The following BRAF variants were observed in gnomAD, a reference collection of about 807,000 sequenced individuals.
The protein encoded by BRAF is serine/threonine-protein kinase B-raf.
Under a neutral mutation model 104.6 loss-of-function variants are expected in BRAF, and 16 were observed. The ratio of observed to expected loss-of-function variants is 0.15; its 90% CI spans 0.10 to 0.23. The LOEUF (loss-of-function observed/expected upper bound fraction) is 0.23. Among genes scored for constraint, BRAF ranks in the 10% least tolerant of loss-of-function variants. The pLI is 1.00. For missense variants in BRAF, 541 were observed against 937.3 expected (o/e 0.58, Z 5.52); for synonymous variants, 310 against 341.6 (o/e 0.91, Z 1.02).
intron 19 of BRAF, among the ~76,000 whole-genome samples, chr7:140,729,678 T>C (rs1276352026): frequency 6.6e-6 from 1 of 152,050 alleles, no homozygotes; most frequent in East Asian, 1.9e-4. Context: ...CTCAGGAGGC[T>C]GAGGCAGGAG....
chr7:140,721,582 T>C lies in BRAF; in HGVS notation c.*4912A>G. ...GCAACATGGACCACAGATATACTGG[T>C]GACTCCGCTCTCCTCTGGCCAAGCT... On this transcript the variant is annotated 3_prime_UTR_variant, in exon 20 of 20. Coordinates refer to ENST00000644969, the MANE Select transcript of BRAF (RefSeq NM_001374258.1). 3.3e-6 allele frequency: 5 copies of C among 1,527,726 alleles called. No individual in the cohort carries two copies. Among genetic ancestry groups the C allele is most frequent in the Non-Finnish European group, 4.4e-6 (5 of 1,143,424 alleles). The allele number at this position is 1,527,726 out of a possible 1,614,324, so 94.6% of individuals were successfully genotyped here.
chr7:140,825,803 A>G (rs1232476817), intron 3 of BRAF, among the ~76,000 whole-genome samples: 1 of 152,128 alleles, frequency 6.6e-6, no homozygotes, highest in East Asian at 1.9e-4. Flanking sequence ...TCTAATTTTA[A>G]TTATTTTCTA....
At chr7:140,728,762 A>G (rs1338603522) in intron 19 of BRAF, among the ~76,000 whole-genome samples, 1 of 152,186 alleles carries the variant, frequency 6.6e-6, no homozygotes, top group Admixed American at 6.5e-5. Flanking sequence ...ATGAGTAATC[A>G]TGTATCTAGC....
rs1473951824 is a variant in BRAF at position 140,808,080 on chromosome 7, A to C, written c.609-18T>G. On this transcript the variant is annotated intron_variant, in intron 4 of 19. Transcript: ENST00000644969. ...TCTTCTCTCTGAAAAATGTAGACACAAGCCTTTCTTGGTTATTACACCTAA... is the reference window on the plus strand; with the variant it reads ...TCTTCTCTCTGAAAAATGTAGACACCAGCCTTTCTTGGTTATTACACCTAA... The C allele has an allele frequency of 1.3e-6, 2 of 1,579,664 alleles. No individual in the cohort carries two copies. Among genetic ancestry groups the C allele is most frequent in the African/African-American group, 1.3e-5 (1 of 74,168 alleles).
Position 140,725,858 on chromosome 7 carries a change from T to C in BRAF, c.*636A>G, listed in dbSNP as rs776928972. On this transcript the variant is annotated 3_prime_UTR_variant, in exon 20 of 20. Coordinates refer to ENST00000644969, the MANE Select transcript of BRAF (RefSeq NM_001374258.1). ...CGGAGGTCAGGAAGAAGATGCAGCATGCCCTTTTCCTCCATACCAAGACAC... is the reference window on the plus strand; with the variant it reads ...CGGAGGTCAGGAAGAAGATGCAGCACGCCCTTTTCCTCCATACCAAGACAC... The C allele has an allele frequency of 9.4e-7, 1 of 1,063,018 alleles. No homozygotes were observed. The highest frequency in any genetic ancestry group is 5.1e-5 in the East Asian group (1 of 19,688). 65.8% of individuals were successfully genotyped at this position (1,063,018 alleles called of 1,614,324 possible).
rs75205910 is a variant in BRAF, at chr7:140,870,231, G to A, written c.139-20019C>T. 3.4e-3 allele frequency among the ~76,000 whole-genome samples: 521 copies of A among 152,208 alleles called. 3 individuals are homozygous for A. The highest frequency in any genetic ancestry group is 6.9e-3 in the Middle Eastern group (2 of 290). The stretch of plus-strand genomic sequence containing the variant: ...AAGTGAAACGTATGACAGTGATGGA[G>A]AACTTCAGCTATCCTGACATCTGTT... On this transcript the variant is annotated intron_variant, in intron 1 of 19. Coordinates refer to ENST00000644969, the MANE Select transcript of BRAF (RefSeq NM_001374258.1).
At chr7:140,805,659 G>C (rs1287699385) in intron 5 of BRAF, among the ~76,000 whole-genome samples, 1 of 152,120 alleles carries the variant, frequency 6.6e-6, no homozygotes, top group African/African-American at 2.4e-5. Flanking sequence ...CTGTGTGAAG[G>C]AAGACACTGA....
At chr7:140,761,892 G>C (rs1004857556) in intron 14 of BRAF, among the ~76,000 whole-genome samples, 6 of 152,234 alleles carry the variant, frequency 3.9e-5, no homozygotes, top group Middle Eastern at 3.4e-3. Context: ...CATAAAGCAA[G>C]TCCTTAGTGA....
At chr7:140,891,777 A>G (rs1297509281) in intron 1 of BRAF, among the ~76,000 whole-genome samples, 2 of 152,186 alleles carry the variant, frequency 1.3e-5, no homozygotes, top group African/African-American at 4.8e-5. Context: ...ATTGGGTGGT[A>G]TGGAGAAAAT....
Position 140,720,974 on chromosome 7 carries a change from C to G in BRAF, c.*5520G>C. 9.4e-7 allele frequency: 1 copy of G among 1,064,580 alleles called. No homozygotes were observed. Among genetic ancestry groups the G allele is most frequent in the Non-Finnish European group, 1.1e-6 (1 of 878,874 alleles). 65.9% of individuals were successfully genotyped at this position (1,064,580 alleles called of 1,614,324 possible). A position where few individuals can be genotyped will look rare whatever the true frequency, so the allele number is the denominator to read the frequency against. The stretch of plus-strand genomic sequence containing the variant: ...TCACGGTGCTGGAGAATGAACTCGG[C>G]TGGCCGGGAGAAGCAGATGGTTTGT... On this transcript the variant is annotated 3_prime_UTR_variant, in exon 20 of 20. Coordinates refer to ENST00000644969, the MANE Select transcript of BRAF (RefSeq NM_001374258.1).
chr7:140,812,962 T>C (rs1056647475), intron 3 of BRAF, among the ~76,000 whole-genome samples: 1 of 152,096 alleles, frequency 6.6e-6, no homozygotes. Flanking sequence ...GAAGAAAGCA[T>C]GGCACCTTCA....
chr7:140,904,365 T>G (rs932653293), intron 1 of BRAF, among the ~76,000 whole-genome samples: 6 of 152,060 alleles, frequency 3.9e-5, no homozygotes, highest in African/African-American at 1.5e-4. Flanking sequence ...ATCTAGAAGT[T>G]TAATGAAACT....
chr7:140,900,125 T>C (rs1815433981), intron 1 of BRAF, among the ~76,000 whole-genome samples: 1 of 152,216 alleles, frequency 6.6e-6, no homozygotes, highest in South Asian at 2.1e-4. Context: ...GAGAGAAATG[T>C]TATTTCAAAC....
chr7:140,918,891 G>A lies in BRAF; in HGVS notation c.138+5675C>T, dbSNP rs553513657. ...GTGGTGGCTCACGCCTGTAATCCCA[G>A]CACTTTGGGAGGCTGAGGCGGGCAG... is the stretch of plus-strand genomic sequence containing the variant. On this transcript the variant is annotated intron_variant, in intron 1 of 19. Coordinates refer to ENST00000644969, the MANE Select transcript of BRAF (RefSeq NM_001374258.1). Among the ~76,000 whole-genome samples the A allele has an allele frequency of 3.1e-4, 47 of 152,284 alleles. No individual in the cohort carries two copies. In the East Asian group the frequency reaches 7.9e-3, roughly 26 times the overall value.
chr7:140,795,582 G>A (rs543023484), intron 7 of BRAF, among the ~76,000 whole-genome samples: 166 of 152,332 alleles, frequency 1.1e-3, no homozygotes, highest in African/African-American at 3.8e-3. Context: ...ATGAATAAAG[G>A]TTTGAAGAGC....
At chr7:140,827,964 T>C (rs1358488279) in intron 3 of BRAF, among the ~76,000 whole-genome samples, 1 of 152,160 alleles carries the variant, frequency 6.6e-6, no homozygotes, top group Non-Finnish European at 1.5e-5. Flanking sequence ...CGGCGCAATC[T>C]CGGCTCACCG....
At chr7:140,896,863 C>CAAAA (rs766150256) in intron 1 of BRAF, among the ~76,000 whole-genome samples, 7 of 36,724 alleles carry the variant, frequency 1.9e-4, no homozygotes, top group South Asian at 8.4e-4. Flanking sequence ...GACTCCATCT[C>CAAAA]AAAAAAAAAA....
intron 14 of BRAF, among the ~76,000 whole-genome samples, chr7:140,755,729 A>G (rs1371712098): frequency 6.6e-6 from 1 of 152,126 alleles, no homozygotes; most frequent in East Asian, 1.9e-4. Flanking sequence ...ATACAAAGTT[A>G]AAAACTGGTG....
intron 17 of BRAF, among the ~76,000 whole-genome samples, chr7:140,744,311 T>C (rs1034214081): frequency 6.6e-6 from 1 of 152,258 alleles, no homozygotes; most frequent in African/African-American, 2.4e-5. Flanking sequence ...CAATAATCCA[T>C]GTGTGTTGTC....
Sources: allele counts gnomAD v4.1 joint callset (sites outside exome capture counted in the v4.1 genomes callset), GRCh38; gene constraint gnomAD v4.1.1; transcripts MANE v1.5; gene names NCBI Gene and HGNC (gene_info 2026-07-23, HGNC 2026-07-21).